CLIP4: variants seen among roughly 807,000 people sequenced by gnomAD.
The protein encoded by CLIP4 is CAP-Gly domain-containing linker protein 4.
CLIP4 carries 47 observed loss-of-function variants against 73.1 expected under a neutral mutation model. The ratio of observed to expected loss-of-function variants is 0.64; its 90% CI spans 0.51 to 0.82. The LOEUF is 0.82. CLIP4 is among the 40% of genes least tolerant of loss of function. The pLI is 0.00. For missense variants in CLIP4, 874 were observed against 852.9 expected (o/e 1.02, Z -0.31); for synonymous variants, 306 against 295.4 (o/e 1.04, Z -0.37).
At chr2:29,144,951 T>C (rs770851675) in intron 7 of CLIP4, among the ~76,000 whole-genome samples, 1 of 151,764 alleles carries the variant, frequency 6.6e-6, no homozygotes, top group Non-Finnish European at 1.5e-5. Flanking sequence ...TACAGGTGTG[T>C]GCTACTATCC....
At chr2:29,175,112 A>G (rs1668248606) in intron 15 of CLIP4, among the ~76,000 whole-genome samples, 1 of 152,182 alleles carries the variant, frequency 6.6e-6, no homozygotes, top group East Asian at 1.9e-4. Flanking sequence ...TGCTTGTTTA[A>G]GTAATGGGAC....
chr2:29,121,347 AC>A, intron 1 of CLIP4, 26 bp from the exon 2 acceptor site: 1 of 1,565,284 alleles, frequency 6.4e-7, no homozygotes, highest in Non-Finnish European at 8.6e-7. Context: ...TAAAGTAGAA[AC>A]ACTTTTTTTT....
intron 2 of CLIP4, among the ~76,000 whole-genome samples, chr2:29,129,148 G>A (rs2148481313): frequency 6.6e-6 from 1 of 152,276 alleles, no homozygotes; most frequent in South Asian, 2.1e-4. Context: ...GTAACTTAGA[G>A]ATAGCAGAGG....
chr2:29,135,223 A>G (rs1665266150), intron 5 of CLIP4, among the ~76,000 whole-genome samples: 1 of 152,226 alleles, frequency 6.6e-6, no homozygotes, highest in African/African-American at 2.4e-5. Flanking sequence ...CAAATATGCA[A>G]CAGACTTAAT....
intron 1 of CLIP4, among the ~76,000 whole-genome samples, chr2:29,109,033 C>T (rs904408849): frequency 2.6e-5 from 4 of 152,118 alleles, no homozygotes; most frequent in Non-Finnish European, 5.9e-5. Flanking sequence ...CACATTTTGG[C>T]GTTGGATGAT....
At chr2:29,143,252 C>T (rs547096739) in intron 6 of CLIP4, among the ~76,000 whole-genome samples, 36 of 151,898 alleles carry the variant, frequency 2.4e-4, no homozygotes, top group Non-Finnish European at 4.4e-4. Context: ...CCTTGCTTTT[C>T]CCTGCCAGAG....
upstream of CLIP4, among the ~76,000 whole-genome samples, chr2:29,110,681 T>C (rs1350244114): frequency 6.6e-6 from 1 of 152,000 alleles, no homozygotes; most frequent in Admixed American, 6.6e-5. Flanking sequence ...ACAGAGATGA[T>C]ATTTGTTTAT....
intron 1 of CLIP4, among the ~76,000 whole-genome samples, chr2:29,099,708 C>T (rs1667985600): frequency 6.6e-6 from 1 of 152,178 alleles, no homozygotes; most frequent in South Asian, 2.1e-4. Flanking sequence ...ACTTCAGAAT[C>T]AGTTTGTCAA....
Position 29,181,570 on chromosome 2 carries a change from A to C in CLIP4, c.1797-2A>C. 2 of 1,599,626 alleles carry C rather than the reference A, an allele frequency of 1.3e-6. No homozygotes were observed. Among genetic ancestry groups the C allele is most frequent in the Non-Finnish European group, 1.7e-6 (2 of 1,170,920 alleles). On this transcript the variant is annotated splice_acceptor_variant, in intron 15 of 15. Coordinates refer to ENST00000320081, the MANE Select transcript of CLIP4 (RefSeq NM_024692.6). LOFTEE classifies it high-confidence loss of function. ...TTTTTCCCACTTTTCCCTTCCGCAC[A>C]GATCGAAAGCTGCTTTGCGTCGCAG...
Position 29,107,358 on chromosome 2 carries a change from G to GTTTTTTTTTTTTTTTTTTT in CLIP4, c.-16+9424_-16+9442dup, listed in dbSNP as rs796180363. On this transcript the variant is annotated intron_variant, in intron 1 of 14. Coordinates refer to the CLIP4 transcript ENST00000401605. ...ATTTCTAAATTCCTGGAACATGATA[G>GTTTTTTTTTTTTTTTTTTT]TTTTTTTTTTTTTTTTTTTTTTTTT... is the stretch of plus-strand genomic sequence containing the variant. Among the ~76,000 whole-genome samples, 42 of 65,358 alleles carry GTTTTTTTTTTTTTTTTTTT rather than the reference G, an allele frequency of 6.4e-4. 10 individuals carry two copies. The highest frequency in any genetic ancestry group is 1.0e-3 in the Non-Finnish European group (35 of 33,602). The allele number at this position is 65,358 out of a possible 152,430, so 42.9% of individuals were successfully genotyped here. A position where few individuals can be genotyped will look rare whatever the true frequency, so the allele number is the denominator to read the frequency against.
At chr2:29,133,523 G>T in intron 4 of CLIP4, 132 bp from the exon 5 acceptor site, 1 of 688,114 alleles carries the variant, frequency 1.5e-6, no homozygotes, top group Non-Finnish European at 2.3e-6. Context: ...ATCAATTCTT[G>T]CAAGTGAAAT....
chr2:29,133,751 A>G lies in CLIP4; in HGVS notation c.464A>G (p.His155Arg). The G allele has an allele frequency of 6.2e-7, 1 of 1,613,648 alleles. No individual in the cohort carries two copies. Among genetic ancestry groups the G allele is most frequent in the Non-Finnish European group, 8.5e-7 (1 of 1,179,836 alleles). Residue 155 changes from histidine (H) to arginine (R), a missense_variant, in exon 5 of 16, where the codon CAT becomes CGT. His to Arg is a conservative substitution (Grantham distance 29, BLOSUM62 0). Coordinates refer to ENST00000320081, the MANE Select transcript of CLIP4 (RefSeq NM_024692.6). ...CGCTGGACAAACATGAATGCTTTGC[A>G]TTATGCTGCTTATTTTGATGTCCCT... Reference protein sequence around the residue: ...RSRWTNMNALHYAAYFDVPEL... With the variant: ...RSRWTNMNALRYAAYFDVPEL...
At chr2:29,155,395 C>T (rs1666854971) in intron 9 of CLIP4, among the ~76,000 whole-genome samples, 1 of 83,398 alleles carries the variant, frequency 1.2e-5, no homozygotes, top group African/African-American at 3.6e-5. Flanking sequence ...AAATGATACA[C>T]CCAAGTGTAT....
At chr2:29,125,664 C>G (rs936157545) in intron 2 of CLIP4, among the ~76,000 whole-genome samples, 1 of 152,218 alleles carries the variant, frequency 6.6e-6, no homozygotes, top group African/African-American at 2.4e-5. Flanking sequence ...AGGCAGTTAC[C>G]TGGGGCATGT....
intron 1 of CLIP4, among the ~76,000 whole-genome samples, chr2:29,106,724 A>C (rs1321948075): frequency 6.6e-6 from 1 of 152,168 alleles, no homozygotes; most frequent in Non-Finnish European, 1.5e-5. Flanking sequence ...AGTAGAAGGC[A>C]CTCAACATAT....
At chr2:29,104,096 TTCTA>T (rs1181078697) in intron 1 of CLIP4, among the ~76,000 whole-genome samples, 4 of 152,142 alleles carry the variant, frequency 2.6e-5, no homozygotes, top group African/African-American at 9.7e-5. Flanking sequence ...AACATTGAGA[TTCTA>T]TCTTACTTCT....
chr2:29,148,215 G>A (rs1351973211), intron 8 of CLIP4, among the ~76,000 whole-genome samples: 1 of 152,212 alleles, frequency 6.6e-6, no homozygotes, highest in Admixed American at 6.5e-5. Flanking sequence ...GCTACTTAAG[G>A]TGGAGGGGAG....
chr2:29,130,142 G>A (rs1054362009), intron 2 of CLIP4: 1 of 457,990 alleles, frequency 2.2e-6, no homozygotes, highest in Non-Finnish European at 4.6e-6. Flanking sequence ...GAACTCCATG[G>A]CTGGGTGAGA....
upstream of CLIP4, chr2:29,114,103 C>G (rs1420007004): frequency 6.6e-6 from 1 of 151,488 alleles, no homozygotes; most frequent in Non-Finnish European, 1.5e-5. Context: ...GGGTTTTAGT[C>G]AAGTGTGCTC....
Sources: gnomAD v4.1 joint callset for allele counts (sites outside exome capture counted in the v4.1 genomes callset) on GRCh38, gnomAD v4.1.1 for gene constraint, MANE v1.5 for transcripts, NCBI Gene and HGNC (gene_info 2026-07-23, HGNC 2026-07-21) for gene names.